Variants in CDH17 observed in about 807,000 individuals in gnomAD.
CDH17 encodes cadherin 17.
CDH17 carries 67 observed loss-of-function variants against 86.3 expected under a neutral mutation model. The ratio of observed to expected loss-of-function variants is 0.78; its 90% CI spans 0.64 to 0.95. The LOEUF (loss-of-function observed/expected upper bound fraction) is 0.95, where lower values mean the gene tolerates loss of function less well. CDH17 is among the 40% of genes least tolerant of loss of function. CDH17 has a pLI of 0.00. For synonymous variants in CDH17, 367 were observed against 366.4 expected (o/e 1.00, Z -0.02); for missense variants, 993 against 1,017.6 (o/e 0.98, Z 0.33).
chr8:94,170,563 C>A lies in CDH17; in HGVS notation c.916-16G>T. 1 of 1,612,716 alleles carries A rather than the reference C, an allele frequency of 6.2e-7. No homozygotes were observed. The highest frequency in any genetic ancestry group is 1.1e-5 in the South Asian group (1 of 90,894). On this transcript the variant is annotated splice_polypyrimidine_tract_variant and intron_variant, in intron 8 of 17. Coordinates refer to ENST00000027335, the MANE Select transcript of CDH17 (RefSeq NM_004063.4). ...AAAAAACATACTACAACAGGAAAGTCAGAGTTAAGGCAAGACTCACCCACC... is the reference window on the plus strand; with the variant it reads ...AAAAAACATACTACAACAGGAAAGTAAGAGTTAAGGCAAGACTCACCCACC...
At chr8:94,130,267 A>T (rs1812386349) in intron 17 of CDH17, among the ~76,000 whole-genome samples, 1 of 152,180 alleles carries the variant, frequency 6.6e-6, no homozygotes, top group South Asian at 2.1e-4. Flanking sequence ...ACTCTGGTGT[A>T]GGATCTGTGT....
intron 1 of CDH17, among the ~76,000 whole-genome samples, chr8:94,207,842 CA>C (rs1266686297): frequency 2.0e-5 from 3 of 152,148 alleles, no homozygotes; most frequent in Non-Finnish European, 2.9e-5. Flanking sequence ...CACACATTAG[CA>C]GGTGGTAACT....
At chr8:94,160,287 G>C (rs1813027010) in intron 11 of CDH17, 125 bp from the exon 12 acceptor site, 2 of 664,456 alleles carry the variant, frequency 3.0e-6, no homozygotes, top group Non-Finnish European at 5.0e-6. Flanking sequence ...CATGGGGCAT[G>C]TTTTTTCCTA....
At chr8:94,201,787 C>T (rs922504315) in intron 1 of CDH17, 2 of 153,408 alleles carry the variant, frequency 1.3e-5, no homozygotes, top group Non-Finnish European at 2.9e-5. Flanking sequence ...CACCTAGGGA[C>T]CCCCCGCATC....
At chr8:94,187,912 T>TAACA (rs1813611731) in intron 3 of CDH17, among the ~76,000 whole-genome samples, 1 of 152,060 alleles carries the variant, frequency 6.6e-6, no homozygotes, top group Admixed American at 6.5e-5. Flanking sequence ...AGGCCCCTAA[T>TAACA]AACACCCTAC....
At chr8:94,132,176 C>T (rs1812433637) in intron 15 of CDH17, among the ~76,000 whole-genome samples, 1 of 152,140 alleles carries the variant, frequency 6.6e-6, no homozygotes, top group South Asian at 2.1e-4. Flanking sequence ...GGTTTATAAT[C>T]CTTTGGGTAT....
intron 3 of CDH17, among the ~76,000 whole-genome samples, chr8:94,185,808 T>G (rs1813568258): frequency 6.6e-6 from 1 of 152,196 alleles, no homozygotes; most frequent in African/African-American, 2.4e-5. Flanking sequence ...ACCCAAATTC[T>G]AACTCGTGAA....
chr8:94,189,175 G>A lies in CDH17; in HGVS notation c.150+12C>T. 1 of 1,586,290 alleles carries A rather than the reference G, an allele frequency of 6.3e-7. No individual in the cohort carries two copies. The highest frequency in any genetic ancestry group is 2.2e-5 in the East Asian group (1 of 44,672). ...CAAAATCAAGAGGACAGTGATCAAG[G>A]GTAGCTTTTACCTGGAATATAATTT... On this transcript the variant is annotated intron_variant, in intron 3 of 17. Coordinates refer to ENST00000027335, the MANE Select transcript of CDH17 (RefSeq NM_004063.4).
chr8:94,184,956 G>T (rs1451673862), intron 3 of CDH17, among the ~76,000 whole-genome samples: 1 of 152,052 alleles, frequency 6.6e-6, no homozygotes, highest in Non-Finnish European at 1.5e-5. Flanking sequence ...TGGATGAGAG[G>T]ATCTGTACAC....
At chr8:94,187,251 A>G (rs1242141613) in intron 3 of CDH17, among the ~76,000 whole-genome samples, 1 of 152,238 alleles carries the variant, frequency 6.6e-6, no homozygotes, top group East Asian at 1.9e-4. Flanking sequence ...ATAAACATAA[A>G]CAAATAAAAA....
rs868196676 is a variant in CDH17, at chr8:94,167,550, T to C, written c.1067-1574A>G. On this transcript the variant is annotated intron_variant, in intron 9 of 17. Transcript: ENST00000027335. The stretch of plus-strand genomic sequence containing the variant: ...GGGCTGCATGCAGGGACCATCGGAA[T>C]GAATAGGACAGAAGAGAATATGTTT... 3.3e-5 allele frequency among the ~76,000 whole-genome samples: 5 copies of C among 152,190 alleles called. No homozygotes were observed. In the South Asian group the frequency reaches 8.3e-4, roughly 25 times the overall value.
upstream of CDH17, among the ~76,000 whole-genome samples, chr8:94,209,906 C>T (rs991928941): frequency 5.7e-5 from 8 of 141,142 alleles, no homozygotes; most frequent in African/African-American, 1.8e-4. Context: ...TAATAAAGTG[C>T]TTTTAAATTT....
chr8:94,170,987 T>C lies in CDH17; in HGVS notation c.784-2A>G. On this transcript the variant is annotated splice_acceptor_variant, in intron 7 of 17. Transcript: ENST00000027335. LOFTEE classifies it high-confidence loss of function. ...TGCACCGGGATCATTCCACCGCACC[T>C]ACAGGGCCCAAAGTCAGTTGTGAGG... 6.2e-7 allele frequency: 1 copy of C among 1,613,350 alleles called. No individual in the cohort carries two copies. The highest frequency in any genetic ancestry group is 8.5e-7 in the Non-Finnish European group (1 of 1,179,620).
intron 9 of CDH17, 50 bp downstream of exon 9, chr8:94,170,347 G>T: frequency 6.3e-7 from 1 of 1,587,362 alleles, no homozygotes; most frequent in Non-Finnish European, 8.6e-7. Context: ...CCCAGCAGAG[G>T]AGAGAAATGG....
intron 12 of CDH17, among the ~76,000 whole-genome samples, chr8:94,152,549 C>A (rs1418755384): frequency 1.3e-5 from 2 of 152,188 alleles, no homozygotes; most frequent in Admixed American, 6.5e-5. Flanking sequence ...AGGCACCCAC[C>A]ACCACACCCA....
chr8:94,127,748 C>T lies in CDH17; in HGVS notation c.*492G>A, dbSNP rs1026458729. ...AAGGGAAAAACACAAGTAGCTAAGC[C>T]ATTTGCAGAGAGGAAAAATGTCATG... On this transcript the variant is annotated 3_prime_UTR_variant, in exon 18 of 18. Coordinates refer to ENST00000027335, the MANE Select transcript of CDH17 (RefSeq NM_004063.4). The T allele has an allele frequency of 3.3e-5, 5 of 153,436 alleles. No homozygotes were observed. Among genetic ancestry groups the T allele is most frequent in the African/African-American group, 1.2e-4 (5 of 41,426 alleles). 9.5% of individuals were successfully genotyped at this position (153,436 alleles called of 1,614,324 possible). A position where few individuals can be genotyped will look rare whatever the true frequency, so the allele number is the denominator to read the frequency against.
intron 12 of CDH17, 71 bp from the exon 13 acceptor site, chr8:94,152,183 T>A: frequency 6.6e-7 from 1 of 1,511,390 alleles, no homozygotes; most frequent in South Asian, 1.2e-5. Flanking sequence ...TCCCTATCCT[T>A]CTTAAACTCT....
intron 1 of CDH17, chr8:94,203,065 GA>G: frequency 5.1e-6 from 1 of 195,696 alleles, no homozygotes; most frequent in Non-Finnish European, 1.0e-5. Context: ...TGCAAGATGG[GA>G]AGGTGATGTT....
chr8:94,215,130 T>C (rs1390866912), intron 1 of CDH17, among the ~76,000 whole-genome samples: 1 of 152,172 alleles, frequency 6.6e-6, no homozygotes, highest in African/African-American at 2.4e-5. Flanking sequence ...ACTTAGCAAT[T>C]TCACTCCTAG....
Sources: gnomAD v4.1 joint callset for allele counts (sites outside exome capture counted in the v4.1 genomes callset) on GRCh38, gnomAD v4.1.1 for gene constraint, MANE v1.5 for transcripts, NCBI Gene and HGNC (gene_info 2026-07-23, HGNC 2026-07-21) for gene names.